UBN2: variants seen among roughly 807,000 people sequenced by gnomAD.
UBN2 encodes the protein ubinuclein 2, also known as ubinuclein-2.
In UBN2, 35 loss-of-function variants were observed where a neutral mutation model predicts 120.2. The observed-to-expected ratio is 0.29, with a 90% CI of 0.22 to 0.39. The LOEUF (loss-of-function observed/expected upper bound fraction) is 0.39, where lower values mean the gene tolerates loss of function less well. Ranked by LOEUF, UBN2 falls within the 10% of genes least tolerant of loss-of-function variation. The pLI is 1.00. For missense variants in UBN2, 1,693 were observed against 1,663.2 expected (o/e 1.02, Z -0.31); for synonymous variants, 661 against 648.7 (o/e 1.02, Z -0.29).
rs12386750 is a variant in UBN2 at position 139,270,568 on chromosome 7, C to T, written c.1596+1045C>T. ...ACAGGCGTGAGCCACCGTGCCTGGC[C>T]AGAAACACATTCATTTTTTACTGCT... On this transcript the variant is annotated intron_variant, in intron 8 of 17. Transcript: ENST00000473989. Among the ~76,000 whole-genome samples the T allele has an allele frequency of 5.8e-3, 882 of 152,176 alleles. 13 individuals carry two copies. Among genetic ancestry groups the T allele is most frequent in the African/African-American group, 0.02 (839 of 41,520 alleles).
intron 2 of UBN2, among the ~76,000 whole-genome samples, chr7:139,250,665 G>A (rs57495007): frequency 0.019 from 2,921 of 152,104 alleles, 102 homozygotes; most frequent in African/African-American, 0.066. Context: ...CATATCTGAA[G>A]TTATCTAAAC....
intron 7 of UBN2, among the ~76,000 whole-genome samples, 198 bp from the exon 8 acceptor site, chr7:139,269,196 C>G (rs1213231338): frequency 6.6e-6 from 1 of 152,006 alleles, no homozygotes; most frequent in African/African-American, 2.4e-5. Flanking sequence ...GCTACAAGAA[C>G]AAAACTCTGT....
At chr7:139,270,836 C>A (rs1399702185) in intron 8 of UBN2, among the ~76,000 whole-genome samples, 3 of 152,294 alleles carry the variant, frequency 2.0e-5, no homozygotes, top group East Asian at 3.9e-4. Context: ...CCTCCACCTC[C>A]TGGGTTCAAG....
intron 2 of UBN2, 131 bp from the exon 3 acceptor site, chr7:139,251,825 G>C (rs1381454327): frequency 5.7e-6 from 4 of 696,358 alleles, no homozygotes; most frequent in Non-Finnish European, 7.6e-6. Flanking sequence ...CATTCAAGGT[G>C]TGGGAGGACT....
chr7:139,312,035 G>A (rs1428461180), downstream of UBN2, among the ~76,000 whole-genome samples: 1 of 152,170 alleles, frequency 6.6e-6, no homozygotes, highest in Admixed American at 6.5e-5. Context: ...ATGTGCTGTG[G>A]ATAATTTCTT....
intron 3 of UBN2, among the ~76,000 whole-genome samples, chr7:139,256,741 G>T (rs1309420512): frequency 6.6e-6 from 1 of 152,070 alleles, no homozygotes; most frequent in Non-Finnish European, 1.5e-5. Flanking sequence ...CCCCTTTTCT[G>T]TAAGATCTTT....
chr7:139,289,481 T>G (rs1797886376), intron 15 of UBN2, among the ~76,000 whole-genome samples: 1 of 149,428 alleles, frequency 6.7e-6, no homozygotes, highest in South Asian at 2.1e-4. Flanking sequence ...GGTGCAATCT[T>G]GGCTCACTGC....
At chr7:139,328,348 G>C in the UBN2 span, among the ~76,000 whole-genome samples, 23 of 152,182 alleles carry the variant, frequency 1.5e-4, no homozygotes, top group Admixed American at 1.4e-3. Context: ...TCACTGTCGT[G>C]CGAATAGCAA....
intron 15 of UBN2, among the ~76,000 whole-genome samples, chr7:139,287,349 T>A (rs567099493): frequency 2.2e-4 from 34 of 152,186 alleles, no homozygotes; most frequent in Non-Finnish European, 4.0e-4. Flanking sequence ...TTATAAAAAA[T>A]TGGGGAGTTA....
At position 139,283,834 on chromosome 7, in the gene UBN2, C is replaced by T. The variant is rs559982073; in HGVS notation, c.2929C>T (p.Pro977Ser). The change falls in exon 15 of 18, where the codon CCA (proline) becomes TCA (serine). Residue 977 changes from proline to serine, a missense_variant. Coordinates refer to ENST00000473989, the MANE Select transcript of UBN2 (RefSeq NM_173569.4). ...CTCACTTATTAAGACTTCAGATAAG[C>T]CACTTATGTACCGCCTTCCCTTATC... Reference protein sequence around the residue: ...SSSLIKTSDKPLMYRLPLSTP... With the variant: ...SSSLIKTSDKSLMYRLPLSTP... 8.1e-6 allele frequency: 13 copies of T among 1,614,134 alleles called. No individual in the cohort carries two copies. The African/African-American group carries it at 1.2e-4, about 15-fold the overall frequency.
chr7:139,303,280 G>T lies in UBN2; in HGVS notation c.*5444G>T, dbSNP rs1180052948. 2.0e-5 allele frequency: 3 copies of T among 152,178 alleles called. No homozygotes were observed. The highest frequency in any genetic ancestry group is 2.9e-5 in the Non-Finnish European group (2 of 68,034). The allele number at this position is 152,178 out of a possible 1,614,324, so 9.4% of individuals were successfully genotyped here. ...CTTGAGCAAAATAACATAATTTTCA[G>T]TATCTAAGATTCATCGATTTTTTGT... On this transcript the variant is annotated 3_prime_UTR_variant, in exon 18 of 18. Transcript: ENST00000473989.
chr7:139,318,091 C>T, the UBN2 span, among the ~76,000 whole-genome samples: 17 of 152,146 alleles, frequency 1.1e-4, no homozygotes, highest in Admixed American at 9.2e-4. Context: ...CTTTGTTGTG[C>T]TTATTTTAGA....
intron 9 of UBN2, 56 bp downstream of exon 9, chr7:139,272,496 A>G (rs1797308997): frequency 2.2e-6 from 1 of 454,884 alleles, no homozygotes; most frequent in Non-Finnish European, 3.8e-6. Context: ...TATGTACGTT[A>G]TGTATGTATG....
At chr7:139,259,673 A>G (rs984371425) in intron 5 of UBN2, among the ~76,000 whole-genome samples, 1 of 152,240 alleles carries the variant, frequency 6.6e-6, no homozygotes, top group African/African-American at 2.4e-5. Flanking sequence ...TACTAAAACT[A>G]AGTTTAGATG....
the UBN2 span, among the ~76,000 whole-genome samples, chr7:139,318,270 C>A: frequency 6.6e-6 from 1 of 152,200 alleles, no homozygotes; most frequent in Admixed American, 6.5e-5. Flanking sequence ...CAAGTTCCAG[C>A]CCCTAACCTG....
intron 6 of UBN2, among the ~76,000 whole-genome samples, chr7:139,264,779 G>T (rs955125548): frequency 2.6e-5 from 4 of 151,986 alleles, no homozygotes; most frequent in Non-Finnish European, 4.4e-5. Context: ...TAGTAGAGAC[G>T]GGGTTTCACC....
chr7:139,283,990 T>A lies in UBN2; in HGVS notation c.3085T>A (p.Ser1029Thr), dbSNP rs777463298. 6.2e-7 allele frequency: 1 copy of A among 1,613,784 alleles called. No individual in the cohort carries two copies. Among genetic ancestry groups the A allele is most frequent in the Non-Finnish European group, 8.5e-7 (1 of 1,179,946 alleles). The change falls in exon 15 of 18, where the codon TCT becomes ACT. Residue 1029 changes from serine to threonine, a missense_variant. By Grantham distance (58) the Ser-to-Thr change is moderately conservative (BLOSUM62 1). Coordinates refer to ENST00000473989, the MANE Select transcript of UBN2 (RefSeq NM_173569.4). ...VSQISTQGFK[S>T]PFSMAASPKL... ...ACAGATCTCCACGCAGGGTTTCAAA[T>A]CTCCCTTCTCGATGGCTGCCTCCCC...
At chr7:139,276,202 G>A in intron 12 of UBN2, 55 bp downstream of exon 12, 1 of 1,504,258 alleles carries the variant, frequency 6.6e-7, no homozygotes, top group South Asian at 1.2e-5. Context: ...GTGCTTTAGT[G>A]AACAAAAGTA....
At chr7:139,287,507 A>G (rs1184512066) in intron 15 of UBN2, among the ~76,000 whole-genome samples, 4 of 152,116 alleles carry the variant, frequency 2.6e-5, no homozygotes, top group African/African-American at 7.2e-5. Context: ...TATTGATTGC[A>G]AAAGAACCCC....
Sources: allele counts gnomAD v4.1 joint callset (sites outside exome capture counted in the v4.1 genomes callset), GRCh38; gene constraint gnomAD v4.1.1; transcripts MANE v1.5; gene names NCBI Gene and HGNC (gene_info 2026-07-23, HGNC 2026-07-21).